The following UBE4B variants were observed in gnomAD, a reference collection of about 807,000 sequenced individuals.
The protein encoded by UBE4B is ubiquitin conjugation factor E4 B.
In UBE4B, 27 loss-of-function variants were observed where a neutral mutation model predicts 148.1. The observed-to-expected ratio is 0.18, with a 90% confidence interval of 0.13 to 0.25. The LOEUF is 0.25. Ranked by LOEUF, UBE4B falls within the 10% of genes least tolerant of loss-of-function variation. The probability of loss-of-function intolerance (pLI) is 1.00; values close to 1 mark genes in which losing one functional copy is unlikely to be tolerated. For synonymous variants in UBE4B, 596 were observed against 619.3 expected (o/e 0.96, Z 0.56); for missense variants, 1,170 against 1,662.4 (o/e 0.70, Z 5.15).
At chr1:10,119,134 G>T (rs1378150405) in intron 8 of UBE4B, among the ~76,000 whole-genome samples, 2 of 151,942 alleles carry the variant, frequency 1.3e-5, no homozygotes, top group African/African-American at 4.8e-5. Flanking sequence ...GCCCTTCTTG[G>T]CCTCCCAAAG....
At chr1:10,174,432 G>C (rs1473523715) in intron 25 of UBE4B, among the ~76,000 whole-genome samples, 1 of 151,360 alleles carries the variant, frequency 6.6e-6, no homozygotes, top group East Asian at 1.9e-4. Flanking sequence ...TGGGTGCGGT[G>C]GCTCACACCT....
intron 21 of UBE4B, among the ~76,000 whole-genome samples, chr1:10,155,841 G>A (rs1418393476): frequency 6.6e-6 from 1 of 152,140 alleles, no homozygotes; most frequent in Non-Finnish European, 1.5e-5. Flanking sequence ...TGGCCAACAT[G>A]GCGAAACCCT....
chr1:10,114,920 C>T (rs1052545278), intron 7 of UBE4B, among the ~76,000 whole-genome samples: 1 of 152,116 alleles, frequency 6.6e-6, no homozygotes, highest in African/African-American at 2.4e-5. Context: ...CCACACGGAC[C>T]TGCCCAGCCT....
At chr1:10,075,129 G>A (rs1644556511) in intron 2 of UBE4B, among the ~76,000 whole-genome samples, 1 of 152,186 alleles carries the variant, frequency 6.6e-6, no homozygotes, top group African/African-American at 2.4e-5. Flanking sequence ...GGCTTTGGAG[G>A]CTGTGAGGTT....
chr1:10,163,783 A>C (rs1467792298), intron 23 of UBE4B, among the ~76,000 whole-genome samples: 1 of 150,204 alleles, frequency 6.7e-6, no homozygotes, highest in Admixed American at 6.6e-5. Flanking sequence ...ATTTTATTTT[A>C]TTTTTTGAGA....
chr1:10,130,396 T>G (rs1645573955), intron 12 of UBE4B, 104 bp from the exon 13 acceptor site: 20 of 1,021,936 alleles, frequency 2.0e-5, no homozygotes, highest in Non-Finnish European at 2.8e-5. Context: ...ATAAAAGTTT[T>G]AATAATATCT....
intron 1 of UBE4B, among the ~76,000 whole-genome samples, chr1:10,036,415 A>T (rs1306408400): frequency 5.9e-5 from 9 of 152,188 alleles, no homozygotes; most frequent in Non-Finnish European, 1.0e-4. Flanking sequence ...GTTGTCCAGA[A>T]CACAAAGGGC....
chr1:10,086,003 G>A (rs373935734), intron 2 of UBE4B, among the ~76,000 whole-genome samples: 2 of 151,106 alleles, frequency 1.3e-5, no homozygotes, highest in African/African-American at 4.9e-5. Flanking sequence ...ACAGAGTCTC[G>A]CTCTGTCTCC....
At chr1:10,060,552 G>A (rs773249589) in intron 1 of UBE4B, among the ~76,000 whole-genome samples, 1 of 152,070 alleles carries the variant, frequency 6.6e-6, no homozygotes, top group African/African-American at 2.4e-5. Flanking sequence ...CAGAAGGTTC[G>A]GATGAGTCCT....
chr1:10,078,056 C>G (rs1456339328), intron 2 of UBE4B, among the ~76,000 whole-genome samples: 1 of 151,814 alleles, frequency 6.6e-6, no homozygotes, highest in Non-Finnish European at 1.5e-5. Flanking sequence ...GTCACCCAAT[C>G]TGGAATGCAG....
At chr1:10,105,453 A>G in intron 5 of UBE4B, 63 bp from the exon 6 acceptor site, 1 of 1,475,572 alleles carries the variant, frequency 6.8e-7, no homozygotes, top group Non-Finnish European at 9.5e-7. Context: ...TGGCTTATTC[A>G]AGGGCTGTGT....
At chr1:10,046,261 A>C (rs1214787007) in intron 1 of UBE4B, among the ~76,000 whole-genome samples, 3 of 152,172 alleles carry the variant, frequency 2.0e-5, no homozygotes, top group Non-Finnish European at 4.4e-5. Flanking sequence ...GTGTTCAGCT[A>C]TACGTTCTCT....
chr1:10,099,109 G>C (rs1326172679), intron 3 of UBE4B, among the ~76,000 whole-genome samples: 1 of 152,098 alleles, frequency 6.6e-6, no homozygotes, highest in Non-Finnish European at 1.5e-5. Flanking sequence ...GGGCATGGTG[G>C]TGCGTGCCTG....
chr1:10,132,360 A>G lies in UBE4B; in HGVS notation c.1912-9A>G. 1.9e-6 allele frequency: 3 copies of G among 1,601,414 alleles called. No homozygotes were observed. Among genetic ancestry groups the G allele is most frequent in the Non-Finnish European group, 2.6e-6 (3 of 1,174,346 alleles). On this transcript the variant is annotated splice_polypyrimidine_tract_variant and intron_variant, in intron 14 of 27. Coordinates refer to ENST00000343090, the MANE Select transcript of UBE4B (RefSeq NM_001105562.3). Reference sequence around the variant, plus strand: ...TAATTTGTTTCTTCTTTTTAAAAATAAATTTCAGCAAGAGCTTTTTAAGAT... The same window carrying G: ...TAATTTGTTTCTTCTTTTTAAAAATGAATTTCAGCAAGAGCTTTTTAAGAT...
intron 27 of UBE4B, 121 bp from the exon 28 acceptor site, chr1:10,179,774 T>G (rs1188413492): frequency 7.1e-7 from 1 of 1,401,234 alleles, no homozygotes; most frequent in African/African-American, 1.4e-5. Context: ...CCTTCTGGAG[T>G]CTTCGGCTCA....
intron 2 of UBE4B, among the ~76,000 whole-genome samples, chr1:10,075,121 C>G (rs748937534): frequency 2.0e-5 from 3 of 152,160 alleles, no homozygotes; most frequent in Non-Finnish European, 4.4e-5. Flanking sequence ...ATATTTTTGG[C>G]TTTGGAGGCT....
At chr1:10,137,997 C>T (rs1299142270) in intron 17 of UBE4B, among the ~76,000 whole-genome samples, 1 of 118,006 alleles carries the variant, frequency 8.5e-6, no homozygotes, top group African/African-American at 3.3e-5. Context: ...TGCAGTGGTA[C>T]GATCTCAGCT....
chr1:10,046,208 A>G (rs971383560), intron 1 of UBE4B, among the ~76,000 whole-genome samples: 1 of 152,178 alleles, frequency 6.6e-6, no homozygotes, highest in Non-Finnish European at 1.5e-5. Flanking sequence ...GGCCACAGCT[A>G]CTTGCTGGGA....
intron 21 of UBE4B, among the ~76,000 whole-genome samples, chr1:10,156,607 G>C (rs1417030157): frequency 2.0e-5 from 3 of 152,004 alleles, no homozygotes; most frequent in Non-Finnish European, 2.9e-5. Flanking sequence ...GCAGATATTG[G>C]GGCATTTTAG....
Sources: allele counts gnomAD v4.1 joint callset (sites outside exome capture counted in the v4.1 genomes callset), GRCh38; gene constraint gnomAD v4.1.1; transcripts MANE v1.5; gene names NCBI Gene and HGNC (gene_info 2026-07-23, HGNC 2026-07-21).